Variants in MAML2 observed in about 807,000 individuals in gnomAD.
MAML2 encodes the protein mastermind-like protein 2.
MAML2 carries 22 observed loss-of-function variants against 96.1 expected under a neutral mutation model. The observed-to-expected ratio is 0.23, with a 90% CI of 0.16 to 0.33. The LOEUF (loss-of-function observed/expected upper bound fraction) is 0.33. MAML2 is among the 10% of genes least tolerant of loss of function. The pLI is 1.00. For synonymous variants in MAML2, 561 were observed against 521.3 expected, an observed-to-expected ratio of 1.08 and a Z score of -1.04; for missense variants, 1,367 against 1,392.4, an observed-to-expected ratio of 0.98 and a Z score of 0.29.
At chr11:96,284,431 A>G (rs1427518095) in intron 1 of MAML2, among the ~76,000 whole-genome samples, 1 of 152,138 alleles carries the variant, frequency 6.6e-6, no homozygotes, top group Non-Finnish European at 1.5e-5. Flanking sequence ...TGCTTCTTTT[A>G]ATGGTTTCAT....
chr11:95,978,886 G>A lies in MAML2; in HGVS notation c.*62C>T, dbSNP rs1857688210. The A allele has an allele frequency of 1.4e-6, 2 of 1,429,604 alleles. No individual in the cohort carries two copies. Among genetic ancestry groups the A allele is most frequent in the Non-Finnish European group, 1.9e-6 (2 of 1,067,448 alleles). The allele number at this position is 1,429,604 out of a possible 1,614,324, so 88.6% of individuals were successfully genotyped here. ...GAACATCAACAGTTCAGCCTCTACA[G>A]AGTTTCTGTAATATACTGCCTTTTA... is the stretch of plus-strand genomic sequence containing the variant. On this transcript the variant is annotated 3_prime_UTR_variant, in exon 5 of 5. Coordinates refer to ENST00000524717, the MANE Select transcript of MAML2 (RefSeq NM_032427.4).
chr11:96,119,986 C>T (rs1283769310), intron 1 of MAML2, among the ~76,000 whole-genome samples: 4 of 124,558 alleles, frequency 3.2e-5, no homozygotes, highest in African/African-American at 1.2e-4. Context: ...GAGACGGAGT[C>T]TCACTCTGTT....
chr11:96,298,104 A>G (rs928934349), intron 1 of MAML2, among the ~76,000 whole-genome samples: 6 of 152,216 alleles, frequency 3.9e-5, no homozygotes, highest in African/African-American at 1.4e-4. Context: ...TATACTTAGG[A>G]AATATAAATA....
intron 2 of MAML2, among the ~76,000 whole-genome samples, chr11:96,032,258 G>T (rs1306002066): frequency 2.6e-5 from 4 of 151,982 alleles, no homozygotes; most frequent in Non-Finnish European, 5.9e-5. Context: ...TATGACCGAA[G>T]AATCCCACTC....
At chr11:96,122,404 T>C (rs1282048066) in intron 1 of MAML2, among the ~76,000 whole-genome samples, 1 of 151,986 alleles carries the variant, frequency 6.6e-6, no homozygotes, top group Non-Finnish European at 1.5e-5. Flanking sequence ...TGTATATGGG[T>C]TCTGTGGAGC....
intron 1 of MAML2, among the ~76,000 whole-genome samples, chr11:96,226,331 T>C (rs1355486314): frequency 6.6e-6 from 1 of 152,194 alleles, no homozygotes; most frequent in Non-Finnish European, 1.5e-5. Context: ...CTAAAGACAG[T>C]GGTCTCAGGT....
intron 1 of MAML2, among the ~76,000 whole-genome samples, chr11:96,097,607 T>C (rs1210525257): frequency 1.3e-5 from 2 of 152,152 alleles, no homozygotes; most frequent in East Asian, 1.9e-4. Context: ...ACAACAGTTA[T>C]AGAACAGAAG....
chr11:96,132,855 TA>T (rs1860568435), intron 1 of MAML2, among the ~76,000 whole-genome samples: 1 of 152,228 alleles, frequency 6.6e-6, no homozygotes, highest in South Asian at 2.1e-4. Context: ...TTTGGGCTTA[TA>T]TATTAGTCTC....
rs532781147 is a variant in MAML2, at chr11:96,331,674, C to T, written c.513+9709G>A. On this transcript the variant is annotated intron_variant, in intron 1 of 4. Coordinates refer to ENST00000524717, the MANE Select transcript of MAML2 (RefSeq NM_032427.4). ...AAAAAGAAAAAGGAAAAAAATTAGC[C>T]GGGCGTGGTGGTGGGCGCCTGTAAT... Among the ~76,000 whole-genome samples, 9 of 151,760 alleles carry T rather than the reference C, an allele frequency of 5.9e-5. No individual in the cohort carries two copies. The East Asian group carries it at 1.6e-3, about 26-fold the overall frequency.
chr11:95,983,754 A>G (rs781515330), intron 4 of MAML2, among the ~76,000 whole-genome samples: 1 of 152,200 alleles, frequency 6.6e-6, no homozygotes, highest in Non-Finnish European at 1.5e-5. Context: ...AAGGATATAG[A>G]GAAGAAATAT....
chr11:96,197,341 G>T (rs750664936), intron 1 of MAML2, among the ~76,000 whole-genome samples: 7 of 152,170 alleles, frequency 4.6e-5, no homozygotes, highest in African/African-American at 1.7e-4. Context: ...TTTTGTAGCT[G>T]TAAATCCAGC....
chr11:96,045,999 AC>A (rs1858895150), intron 2 of MAML2, among the ~76,000 whole-genome samples: 1 of 151,512 alleles, frequency 6.6e-6, no homozygotes. Flanking sequence ...AAGGCTGCTA[AC>A]CCACAGAATT....
chr11:95,996,070 A>ATCAG (rs991759901), intron 2 of MAML2, among the ~76,000 whole-genome samples: 12 of 142,670 alleles, frequency 8.4e-5, no homozygotes, highest in Non-Finnish European at 1.3e-4. Context: ...TGAAGGAAAA[A>ATCAG]TCAATCAATC....
chr11:96,034,351 T>C (rs1858665483), intron 2 of MAML2, among the ~76,000 whole-genome samples: 1 of 151,976 alleles, frequency 6.6e-6, no homozygotes, highest in Admixed American at 6.6e-5. Flanking sequence ...CCCTGTCCTT[T>C]CATTGCTTCT....
chr11:96,025,430 C>T (rs1858501542), intron 2 of MAML2, among the ~76,000 whole-genome samples: 1 of 152,130 alleles, frequency 6.6e-6, no homozygotes, highest in Non-Finnish European at 1.5e-5. Context: ...CACTGAAACA[C>T]TACCTATTGG....
intron 1 of MAML2, among the ~76,000 whole-genome samples, chr11:96,181,006 G>A: frequency 6.6e-6 from 1 of 152,116 alleles, no homozygotes; most frequent in Admixed American, 6.5e-5. Context: ...TTCTGAGCCA[G>A]GATGAGCCAG....
At chr11:96,076,503 C>T (rs1859441333) in intron 2 of MAML2, among the ~76,000 whole-genome samples, 1 of 151,966 alleles carries the variant, frequency 6.6e-6, no homozygotes, top group Non-Finnish European at 1.5e-5. Flanking sequence ...CTTAACTTCT[C>T]ACAGCAACTT....
Position 96,015,241 on chromosome 11 carries a change from C to G in MAML2, c.2140-23518G>C, listed in dbSNP as rs1858326454. Among the ~76,000 whole-genome samples the G allele has an allele frequency of 1.3e-5, 2 of 152,098 alleles. 1 individual carries two copies. The highest frequency in any genetic ancestry group is 4.2e-4 in the South Asian group (2 of 4,814). On this transcript the variant is annotated intron_variant, in intron 2 of 4. Coordinates refer to ENST00000524717, the MANE Select transcript of MAML2 (RefSeq NM_032427.4). ...TGGCACTTCATATGGAAACATGAAG[C>G]AATTTAAGCTACTACATAACAGTAC...
At chr11:96,142,366 T>G (rs565717569) in intron 1 of MAML2, among the ~76,000 whole-genome samples, 1 of 152,282 alleles carries the variant, frequency 6.6e-6, no homozygotes, top group Middle Eastern at 3.4e-3. Flanking sequence ...AAATCTTGAT[T>G]TGTGAATGTT....
Sources: allele counts gnomAD v4.1 joint callset (sites outside exome capture counted in the v4.1 genomes callset), GRCh38; gene constraint gnomAD v4.1.1; transcripts MANE v1.5; gene names NCBI Gene and HGNC (gene_info 2026-07-23, HGNC 2026-07-21).